Variants in LRBA observed in about 807,000 individuals in gnomAD.
The protein encoded by LRBA is lipopolysaccharide-responsive and beige-like anchor protein.
In LRBA, 176 loss-of-function variants were observed where a neutral mutation model predicts 330.0. The observed-to-expected ratio is 0.53, with a 90% CI of 0.47 to 0.60. The LOEUF is 0.60. LRBA is among the 20% of genes least tolerant of loss of function. LRBA has a pLI of 0.00. For missense variants in LRBA, 3,259 were observed against 3,444.8 expected (o/e 0.95, Z 1.35); for synonymous variants, 1,230 against 1,193.0 (o/e 1.03, Z -0.64).
At chr4:150,434,635 C>T (rs1302165570) in intron 46 of LRBA, among the ~76,000 whole-genome samples, 2 of 151,958 alleles carry the variant, frequency 1.3e-5, no homozygotes, top group Non-Finnish European at 2.9e-5. Flanking sequence ...GAAGGAAGAT[C>T]GCGTAAGACA....
At chr4:150,741,872 C>A (rs1049884547) in intron 35 of LRBA, among the ~76,000 whole-genome samples, 19 of 151,996 alleles carry the variant, frequency 1.3e-4, no homozygotes, top group Non-Finnish European at 2.8e-4. Context: ...TTCAGTGCTA[C>A]CTCTCCATAT....
At chr4:150,304,641 A>G (rs1037084886) in intron 52 of LRBA, among the ~76,000 whole-genome samples, 11 of 152,180 alleles carry the variant, frequency 7.2e-5, no homozygotes, top group African/African-American at 2.7e-4. Flanking sequence ...GCTTATATCA[A>G]TAAAGAATAA....
At chr4:150,908,887 T>C (rs751144644) in intron 9 of LRBA, 30 bp from the exon 10 acceptor site, 48 of 1,457,826 alleles carry the variant, frequency 3.3e-5, no homozygotes, top group Non-Finnish European at 4.6e-5. Flanking sequence ...AGTTAAATAG[T>C]ATGCCACAAA....
Position 150,873,614 on chromosome 4 carries a change from A to G in LRBA, c.2166-859T>C, listed in dbSNP as rs931665961. Among the ~76,000 whole-genome samples the G allele has an allele frequency of 2.0e-5, 3 of 151,996 alleles. No individual in the cohort carries two copies. In the South Asian group the frequency reaches 6.2e-4, roughly 31 times the overall value. ...CAAAAAAAAAAACAAACAAACAAAG[A>G]TCTAGGAAGGCCTTCTGATTTTAGT... is the stretch of plus-strand genomic sequence containing the variant. On this transcript the variant is annotated intron_variant, in intron 17 of 56. Transcript: ENST00000651943.
chr4:150,613,770 A>G (rs1775497189), intron 37 of LRBA, among the ~76,000 whole-genome samples: 1 of 152,220 alleles, frequency 6.6e-6, no homozygotes, highest in South Asian at 2.1e-4. Flanking sequence ...CTCTCTGGCC[A>G]GTTATGCTCT....
chr4:150,985,712 A>G (rs1430631002), intron 2 of LRBA, among the ~76,000 whole-genome samples: 1 of 151,998 alleles, frequency 6.6e-6, no homozygotes, highest in Admixed American at 6.6e-5. Flanking sequence ...GTTAGCCAGG[A>G]TAGTCTTGAT....
At chr4:150,361,194 A>G (rs1417228155) in intron 47 of LRBA, among the ~76,000 whole-genome samples, 2 of 152,214 alleles carry the variant, frequency 1.3e-5, no homozygotes, top group Non-Finnish European at 1.5e-5. Flanking sequence ...TTTAACATCT[A>G]CAATAACATT....
At chr4:150,528,428 G>A (rs1238607986) in intron 40 of LRBA, among the ~76,000 whole-genome samples, 2 of 151,742 alleles carry the variant, frequency 1.3e-5, no homozygotes, top group African/African-American at 4.9e-5. Context: ...GTGAACCCGG[G>A]AGGTGGAGCT....
Position 150,467,771 on chromosome 4 carries a change from C to T in LRBA, c.6682G>A (p.Asp2228Asn). 6.4e-7 allele frequency: 1 copy of T among 1,552,572 alleles called. No homozygotes were observed. The highest frequency in any genetic ancestry group is 8.8e-7 in the Non-Finnish European group (1 of 1,130,372). The change falls in exon 44 of 57, where the codon GAC becomes AAC. Residue 2228 changes from aspartate (D) to asparagine (N), a missense_variant. Physicochemically the swap from Asp to Asn is conservative, Grantham distance 23 (BLOSUM62 1). Coordinates refer to ENST00000651943, the MANE Select transcript of LRBA (RefSeq NM_001364905.1). ...GGAAACACTGGATACTGATTTAAGT[C>T]ATTATAACTCCGTCCTGATAGGGAA... ...LNTIAGRSYN[D>N]LNQYPVFPWV... is the part of the protein sequence containing the mutation.
intron 40 of LRBA, among the ~76,000 whole-genome samples, chr4:150,549,923 G>A (rs1230199938): frequency 3.3e-5 from 5 of 152,208 alleles, no homozygotes. Context: ...GAAAGAAGAT[G>A]AGGGAACTAC....
intron 53 of LRBA, among the ~76,000 whole-genome samples, chr4:150,298,589 T>C (rs758510001): frequency 6.6e-5 from 10 of 152,108 alleles, no homozygotes; most frequent in Admixed American, 2.0e-4. Flanking sequence ...CTGTTAGTGC[T>C]AGCCTTATGG....
intron 36 of LRBA, among the ~76,000 whole-genome samples, chr4:150,692,204 GTGTTTGTT>G (rs113091683): frequency 0.013 from 2,014 of 151,834 alleles, 37 homozygotes; most frequent in African/African-American, 0.046. Flanking sequence ...TATTTAAGAA[GTGTTTGTT>G]TGTTTGTTTG....
At chr4:150,885,715 G>A (rs1336695545) in intron 17 of LRBA, among the ~76,000 whole-genome samples, 2 of 151,954 alleles carry the variant, frequency 1.3e-5, no homozygotes, top group Non-Finnish European at 2.9e-5. Flanking sequence ...AGAGAAAAAT[G>A]ACTGATGACA....
chr4:150,485,534 T>C (rs1416007419), intron 42 of LRBA, among the ~76,000 whole-genome samples: 3 of 151,834 alleles, frequency 2.0e-5, no homozygotes. Context: ...CCAATATGGC[T>C]GGTGTCTTTG....
rs116845550 is a variant in LRBA, at chr4:150,590,183, T to C, written c.6193+530A>G. On this transcript the variant is annotated intron_variant, in intron 39 of 56. Coordinates refer to ENST00000651943, the MANE Select transcript of LRBA (RefSeq NM_001364905.1). ...AAGAGAATTTTTCCCATAAGGGATG[T>C]AAAACTGAGAATCTGCAGAGTGCAA... is the stretch of plus-strand genomic sequence containing the variant. 9.3e-4 allele frequency among the ~76,000 whole-genome samples: 141 copies of C among 152,272 alleles called. No individual in the cohort carries two copies. The East Asian group carries it at 0.025, about 27-fold the overall frequency.
intron 37 of LRBA, among the ~76,000 whole-genome samples, chr4:150,662,276 A>G (rs1183789798): frequency 1.3e-5 from 2 of 152,240 alleles, no homozygotes; most frequent in African/African-American, 4.8e-5. Context: ...TTTTGTATTG[A>G]TACTATAGCA....
rs113209390 is a variant in LRBA, at chr4:150,504,882, T to C, written c.6331-13847A>G. ...CTCAAAATAAAGGGATGGAGGAAGA[T>C]CTACCAAGCAAATGGAAAACAAAAA... On this transcript the variant is annotated intron_variant, in intron 40 of 56. Coordinates refer to ENST00000651943, the MANE Select transcript of LRBA (RefSeq NM_001364905.1). Among the ~76,000 whole-genome samples the C allele has an allele frequency of 4.2e-3, 641 of 152,096 alleles. 3 individuals are homozygous for C. The highest frequency in any genetic ancestry group is 0.015 in the African/African-American group (620 of 41,484).
intron 37 of LRBA, among the ~76,000 whole-genome samples, chr4:150,639,559 T>C (rs1209632080): frequency 8.1e-6 from 1 of 123,244 alleles, no homozygotes; most frequent in Non-Finnish European, 1.7e-5. Flanking sequence ...AATGACTGAG[T>C]GCTACAATGA....
intron 20 of LRBA, among the ~76,000 whole-genome samples, chr4:150,868,659 C>T (rs144632889): frequency 3.3e-5 from 5 of 152,268 alleles, no homozygotes; most frequent in Admixed American, 2.6e-4. Context: ...ACAAGCAGGC[C>T]GGGCGAGGTG....
Sources: gnomAD v4.1 joint callset for allele counts (sites outside exome capture counted in the v4.1 genomes callset) on GRCh38, gnomAD v4.1.1 for gene constraint, MANE v1.5 for transcripts, NCBI Gene and HGNC (gene_info 2026-07-23, HGNC 2026-07-21) for gene names.